The following ITGA8 variants were observed in gnomAD, a reference collection of about 807,000 sequenced individuals.
ITGA8 encodes the protein integrin subunit alpha 8.
ITGA8 carries 91 observed loss-of-function variants against 142.3 expected under a neutral mutation model. The ratio of observed to expected loss-of-function variants is 0.64; its 90% confidence interval spans 0.54 to 0.76. The LOEUF (loss-of-function observed/expected upper bound fraction) is 0.76. Ranked by LOEUF, ITGA8 falls within the 30% of genes least tolerant of loss-of-function variation. ITGA8 has a pLI of 0.00. For missense variants in ITGA8, 1,406 were observed against 1,327.7 expected, an observed-to-expected ratio of 1.06 and a Z score of -0.92; for synonymous variants, 505 against 485.2, an observed-to-expected ratio of 1.04 and a Z score of -0.54.
At chr10:15,690,546 A>C (rs1834915210) in intron 2 of ITGA8, among the ~76,000 whole-genome samples, 1 of 152,148 alleles carries the variant, frequency 6.6e-6, no homozygotes, top group South Asian at 2.1e-4. Flanking sequence ...ACAGTAGTTC[A>C]AAAACAGGAC....
chr10:15,558,094 G>A lies in ITGA8; in HGVS notation c.2746C>T (p.Gln916Ter). The A allele has an allele frequency of 6.2e-7, 1 of 1,614,110 alleles. No homozygotes were observed. The highest frequency in any genetic ancestry group is 8.5e-7 in the Non-Finnish European group (1 of 1,180,034). Residue 916 changes from glutamine to a stop codon, truncating the protein, a stop_gained, in exon 26 of 30, where the codon CAG becomes TAG. Transcript: ENST00000378076. LOFTEE classifies it high-confidence loss of function. ...RDVHVVEFHR[Q>*]SPAKILNCTN... is the part of the protein sequence containing the mutation. ...CTCACCAGTATTTTTGCAGGGCTCT[G>A]TCTGTGGAATTCGACCACATGTACA...
At chr10:15,689,164 T>A (rs1381960555) in intron 2 of ITGA8, among the ~76,000 whole-genome samples, 2 of 151,956 alleles carry the variant, frequency 1.3e-5, no homozygotes, top group African/African-American at 2.4e-5. Context: ...AAAATCAACA[T>A]ACAAAAACCC....
chr10:15,536,662 A>G (rs1430766825), intron 27 of ITGA8, among the ~76,000 whole-genome samples: 1 of 152,236 alleles, frequency 6.6e-6, no homozygotes, highest in Non-Finnish European at 1.5e-5. Context: ...CTTGGCAACA[A>G]TGAGGACCTT....
At chr10:15,598,088 G>A (rs184682704) in intron 20 of ITGA8, among the ~76,000 whole-genome samples, 44 of 151,630 alleles carry the variant, frequency 2.9e-4, no homozygotes, top group African/African-American at 8.0e-4. Flanking sequence ...TTCCCATACC[G>A]CAAACCCTAT....
At position 15,516,222 on chromosome 10, in the gene ITGA8, G is replaced by A. The variant is rs1447724190; in HGVS notation, c.*936C>T. 1.3e-5 allele frequency: 2 copies of A among 152,180 alleles called. No individual in the cohort carries two copies. The highest frequency in any genetic ancestry group is 4.8e-5 in the African/African-American group (2 of 41,438). The allele number at this position is 152,180 out of a possible 1,614,324, so 9.4% of individuals were successfully genotyped here. A position where few individuals can be genotyped will look rare whatever the true frequency, so the allele number is the denominator to read the frequency against. On this transcript the variant is annotated 3_prime_UTR_variant, in exon 30 of 30. Transcript: ENST00000378076. ...CTTTTAAACACTCCAAAGGTAGAGA[G>A]TACCTCGAAATTCATGTATTAACTA...
At chr10:15,592,005 C>T (rs1271910260) in intron 22 of ITGA8, among the ~76,000 whole-genome samples, 4 of 152,110 alleles carry the variant, frequency 2.6e-5, no homozygotes, top group African/African-American at 9.7e-5. Context: ...TTTGCTATCT[C>T]ATAACTTGGT....
Position 15,517,042 on chromosome 10 carries a change from C to CATT in ITGA8, c.*115_*116insAAT. ...TGAGGTGATGTTTCCAGGGTCCCCT[C>CATT]CATTTCCTGGGTCACTGTCAGGTAT... On this transcript the variant is annotated 3_prime_UTR_variant, in exon 30 of 30. Coordinates refer to ENST00000378076, the MANE Select transcript of ITGA8 (RefSeq NM_003638.3). 1.6e-5 allele frequency: 9 copies of CATT among 564,226 alleles called. No individual in the cohort carries two copies. Among genetic ancestry groups the CATT allele is most frequent in the Non-Finnish European group, 2.3e-5 (8 of 354,358 alleles). The allele number at this position is 564,226 out of a possible 1,614,324, so 35.0% of individuals were successfully genotyped here.
At chr10:15,682,740 A>G (rs1834760245) in intron 4 of ITGA8, among the ~76,000 whole-genome samples, 1 of 151,820 alleles carries the variant, frequency 6.6e-6, no homozygotes, top group Admixed American at 6.6e-5. Context: ...GGCCCCAGCT[A>G]CTTGGCAGGC....
intron 8 of ITGA8, among the ~76,000 whole-genome samples, chr10:15,664,491 A>G (rs1588707614): frequency 7.3e-6 from 1 of 137,164 alleles, no homozygotes; most frequent in Non-Finnish European, 1.6e-5. Flanking sequence ...AGGTGACCAT[A>G]TTTCATTTAC....
rs372105687 is a variant in ITGA8 at position 15,680,429 on chromosome 10, A to G, written c.569-1646T>C. The stretch of plus-strand genomic sequence containing the variant: ...AAAATTTGTTCCTTATTTTACCGCT[A>G]TATTTCATGATTTATGGTCATGAAT... On this transcript the variant is annotated intron_variant, in intron 4 of 29. Transcript: ENST00000378076. Among the ~76,000 whole-genome samples, 11 of 151,806 alleles carry G rather than the reference A, an allele frequency of 7.2e-5. No individual in the cohort carries two copies. The East Asian group carries it at 9.7e-4, about 13-fold the overall frequency.
At chr10:15,668,267 T>C (rs1270021952) in intron 8 of ITGA8, among the ~76,000 whole-genome samples, 1 of 152,194 alleles carries the variant, frequency 6.6e-6, no homozygotes, top group Non-Finnish European at 1.5e-5. Context: ...CTTTTATCAT[T>C]ATGTAATGGC....
At chr10:15,605,235 G>A (rs1039370783) in intron 19 of ITGA8, among the ~76,000 whole-genome samples, 9 of 152,114 alleles carry the variant, frequency 5.9e-5, no homozygotes, top group Admixed American at 1.3e-4. Flanking sequence ...CCTTTGATTC[G>A]TTTCAATTTT....
chr10:15,686,920 A>G (rs569254951), intron 3 of ITGA8, among the ~76,000 whole-genome samples: 1 of 152,230 alleles, frequency 6.6e-6, no homozygotes, highest in Non-Finnish European at 1.5e-5. Context: ...ACACAAAAAA[A>G]TCAAAACAGT....
chr10:15,529,254 G>T (rs771476308), intron 28 of ITGA8, among the ~76,000 whole-genome samples: 16 of 152,216 alleles, frequency 1.1e-4, no homozygotes, highest in Non-Finnish European at 1.8e-4. Flanking sequence ...CTTAGCCAGA[G>T]AAGGGGAGAC....
intron 13 of ITGA8, among the ~76,000 whole-genome samples, chr10:15,640,444 C>T (rs1024910372): frequency 2.6e-5 from 4 of 152,196 alleles, no homozygotes; most frequent in African/African-American, 4.8e-5. Context: ...AGCAGGACCC[C>T]AGAGTGAAAG....
intron 27 of ITGA8, among the ~76,000 whole-genome samples, chr10:15,531,885 C>T (rs567415293): frequency 3.9e-5 from 6 of 152,092 alleles, no homozygotes; most frequent in South Asian, 4.2e-4. Context: ...GCGCAGGTTG[C>T]AGTGAGCTGA....
At chr10:15,565,259 A>G (rs548085131) in intron 25 of ITGA8, among the ~76,000 whole-genome samples, 5 of 152,362 alleles carry the variant, frequency 3.3e-5, no homozygotes, top group African/African-American at 1.2e-4. Context: ...GGGGCAAGCC[A>G]TAGATGTCAC....
intron 17 of ITGA8, among the ~76,000 whole-genome samples, chr10:15,607,230 C>T (rs1833211314): frequency 6.6e-6 from 1 of 152,138 alleles, no homozygotes; most frequent in African/African-American, 2.4e-5. Flanking sequence ...TGTAAAAAGA[C>T]ATTACTTTAA....
Position 15,606,433 on chromosome 10 carries a change from T to C in ITGA8, c.1765-11A>G. ...GAATTCAGTTTCATCCTAGGAAAAA[T>C]AATCACAAACTCAACAGAGGCTCCA... On this transcript the variant is annotated splice_polypyrimidine_tract_variant and intron_variant, in intron 17 of 29. Coordinates refer to ENST00000378076, the MANE Select transcript of ITGA8 (RefSeq NM_003638.3). The C allele has an allele frequency of 6.3e-7, 1 of 1,583,168 alleles. No individual in the cohort carries two copies. The highest frequency in any genetic ancestry group is 8.7e-7 in the Non-Finnish European group (1 of 1,155,980).
Sources: gnomAD v4.1 joint callset for allele counts (sites outside exome capture counted in the v4.1 genomes callset) on GRCh38, gnomAD v4.1.1 for gene constraint, MANE v1.5 for transcripts, NCBI Gene and HGNC (gene_info 2026-07-23, HGNC 2026-07-21) for gene names.